CAND1: variants seen among roughly 807,000 people sequenced by gnomAD.
CAND1 encodes cullin-associated NEDD8-dissociated protein 1.
In CAND1, 7 loss-of-function variants were observed where a neutral mutation model predicts 108.5. The ratio of observed to expected loss-of-function variants is 0.06; its 90% CI spans 0.04 to 0.12. CAND1 has a LOEUF of 0.12. Among genes scored for constraint, CAND1 ranks in the 10% least tolerant of loss-of-function variants. The pLI is 1.00. For synonymous variants in CAND1, 534 were observed against 512.0 expected (o/e 1.04, Z -0.58); for missense variants, 941 against 1,448.7 (o/e 0.65, Z 5.69).
intron 3 of CAND1, among the ~76,000 whole-genome samples, chr12:67,293,770 A>AC (rs2044743032): frequency 6.6e-6 from 1 of 152,180 alleles, no homozygotes; most frequent in African/African-American, 2.4e-5. Context: ...AAATAAAAAA[A>AC]CAAAAAAATA....
chr12:67,280,573 T>C (rs2044610240), intron 1 of CAND1, among the ~76,000 whole-genome samples: 1 of 152,370 alleles, frequency 6.6e-6, no homozygotes, highest in East Asian at 1.9e-4. Context: ...GTTGGATTGC[T>C]TCTGTAAGTG....
At chr12:67,289,602 G>GGCAA (rs1250998303) in intron 2 of CAND1, among the ~76,000 whole-genome samples, 1 of 152,098 alleles carries the variant, frequency 6.6e-6, no homozygotes, top group Non-Finnish European at 1.5e-5. Context: ...GCCCAGGCTG[G>GGCAA]GCAAGCTCAA....
rs549562994 is a variant in CAND1, at chr12:67,309,416, T to C, written c.3026-485T>C. The stretch of plus-strand genomic sequence containing the variant: ...GGGCTTTTGGAGGCACGTTTCTCTT[T>C]CATTTGATTAATTGTATATCTGCTA... On this transcript the variant is annotated intron_variant, in intron 11 of 14. Transcript: ENST00000545606. 3.6e-4 allele frequency among the ~76,000 whole-genome samples: 55 copies of C among 152,174 alleles called. 3 individuals carry two copies. In the South Asian group the frequency reaches 0.011, roughly 32 times the overall value.
At chr12:67,307,642 A>C (rs1484820386) in intron 11 of CAND1, 150 bp downstream of exon 11, 1 of 607,538 alleles carries the variant, frequency 1.6e-6, no homozygotes, top group Non-Finnish European at 2.9e-6. Context: ...AACTTTTAAC[A>C]AATTGCATTT....
At chr12:67,275,613 A>G (rs563008955) in intron 1 of CAND1, among the ~76,000 whole-genome samples, 1 of 152,310 alleles carries the variant, frequency 6.6e-6, no homozygotes, top group Non-Finnish European at 1.5e-5. Context: ...GTGTATGTGC[A>G]GGATCTCTGA....
intron 7 of CAND1, among the ~76,000 whole-genome samples, chr12:67,301,634 T>C (rs1420916920): frequency 1.3e-5 from 2 of 152,162 alleles, no homozygotes; most frequent in African/African-American, 4.8e-5. Context: ...GAAAAAATGG[T>C]CCTCTGTTAA....
chr12:67,279,220 A>G (rs1391373857), intron 1 of CAND1, among the ~76,000 whole-genome samples: 1 of 151,090 alleles, frequency 6.6e-6, no homozygotes, highest in African/African-American at 2.4e-5. Flanking sequence ...AATTTTTCCC[A>G]TGCAAACCCC....
chr12:67,295,993 A>G (rs189103316), intron 4 of CAND1, among the ~76,000 whole-genome samples: 1 of 152,310 alleles, frequency 6.6e-6, no homozygotes, highest in Non-Finnish European at 1.5e-5. Context: ...AAGAATGGGT[A>G]GCCCTTCAAT....
At chr12:67,309,602 A>G (rs1045008082) in intron 11 of CAND1, among the ~76,000 whole-genome samples, 3 of 152,040 alleles carry the variant, frequency 2.0e-5, no homozygotes, top group Admixed American at 6.6e-5. Context: ...GTCATATCTT[A>G]TATCTATAGA....
chr12:67,284,106 C>T (rs375247694), intron 2 of CAND1, among the ~76,000 whole-genome samples: 1 of 152,014 alleles, frequency 6.6e-6, no homozygotes. Context: ...AAGAATTCAT[C>T]ACCCAAAAGA....
intron 8 of CAND1, among the ~76,000 whole-genome samples, chr12:67,303,085 G>A (rs1490953262): frequency 6.6e-6 from 1 of 152,148 alleles, no homozygotes; most frequent in Non-Finnish European, 1.5e-5. Context: ...CTACATATAT[G>A]CTTGATATAT....
chr12:67,311,716 G>A lies in CAND1; in HGVS notation c.3384G>A (p.Val1128=). 1.2e-6 allele frequency: 2 copies of A among 1,608,966 alleles called. No individual in the cohort carries two copies. Among genetic ancestry groups the A allele is most frequent in the Non-Finnish European group, 1.7e-6 (2 of 1,175,486 alleles). Residue 1128 remains valine, a synonymous_variant, in exon 14 of 15, where the codon GTG becomes GTA. Coordinates refer to ENST00000545606, the MANE Select transcript of CAND1 (RefSeq NM_018448.5). The part of the protein sequence containing the change: ...DIKMLTFLML[V]RLSTLCPSAV... The stretch of plus-strand genomic sequence containing the variant: ...AGATGCTGACATTTTTAATGTTGGT[G>A]AGACTGTCTACCCTTTGTCCAAGTG...
chr12:67,311,676 T>C lies in CAND1; in HGVS notation c.3361-17T>C. The C allele has an allele frequency of 1.4e-6, 2 of 1,474,228 alleles. No homozygotes were observed. The highest frequency in any genetic ancestry group is 9.4e-7 in the Non-Finnish European group (1 of 1,058,222). 91.3% of individuals were successfully genotyped at this position (1,474,228 alleles called of 1,614,324 possible). On this transcript the variant is annotated splice_polypyrimidine_tract_variant and intron_variant, in intron 13 of 14. Coordinates refer to ENST00000545606, the MANE Select transcript of CAND1 (RefSeq NM_018448.5). ...AATGATGTCAAATCTAAATTCTGTC[T>C]TTTTTATTCCTAATAGATGCTGACA...
intron 2 of CAND1, 24 bp downstream of exon 2, chr12:67,282,077 GTCTT>G: frequency 1.2e-6 from 2 of 1,610,498 alleles, no homozygotes; most frequent in Admixed American, 1.7e-5. Context: ...TACTGGTTGA[GTCTT>G]TCTTCCTGCT....
chr12:67,298,528 C>T (rs1414700279), intron 6 of CAND1, among the ~76,000 whole-genome samples: 8 of 151,960 alleles, frequency 5.3e-5, no homozygotes, highest in Non-Finnish European at 1.0e-4. Flanking sequence ...ATTTGCTGGC[C>T]CTGTGGGCAT....
chr12:67,276,781 A>T (rs2044573807), intron 1 of CAND1, among the ~76,000 whole-genome samples: 1 of 152,212 alleles, frequency 6.6e-6, no homozygotes, highest in Non-Finnish European at 1.5e-5. Context: ...TTTAGTTATG[A>T]GTCTCAGATA....
intron 1 of CAND1, among the ~76,000 whole-genome samples, chr12:67,273,772 C>G (rs2135988159): frequency 6.6e-6 from 1 of 152,198 alleles, no homozygotes; most frequent in East Asian, 1.9e-4. Flanking sequence ...CCACTGTGCC[C>G]AGCCACTTCT....
chr12:67,274,527 C>T (rs12301290), intron 1 of CAND1, among the ~76,000 whole-genome samples: 2,483 of 152,268 alleles, frequency 0.016, 63 homozygotes, highest in African/African-American at 0.056. Flanking sequence ...TAAACGGAAT[C>T]GTTCTCTTTG....
chr12:67,308,858 A>G (rs996258325), intron 11 of CAND1, among the ~76,000 whole-genome samples: 6 of 151,898 alleles, frequency 4.0e-5, no homozygotes, highest in African/African-American at 1.4e-4. Flanking sequence ...CTTGGATATC[A>G]ACATTGGGTT....
Sources: gnomAD v4.1 joint callset for allele counts (sites outside exome capture counted in the v4.1 genomes callset) on GRCh38, gnomAD v4.1.1 for gene constraint, MANE v1.5 for transcripts, NCBI Gene and HGNC (gene_info 2026-07-23, HGNC 2026-07-21) for gene names.